PTBP3: variants seen among roughly 807,000 people sequenced by gnomAD.
The protein encoded by PTBP3 is polypyrimidine tract binding protein 3, also known as polypyrimidine tract-binding protein 3.
Under a neutral mutation model 58.7 loss-of-function variants are expected in PTBP3, and 20 were observed. The ratio of observed to expected loss-of-function variants is 0.34; its 90% confidence interval spans 0.24 to 0.50. The LOEUF is 0.50. Among genes scored for constraint, PTBP3 ranks in the 20% least tolerant of loss-of-function variants. The pLI is 0.98. For synonymous variants in PTBP3, 185 were observed against 219.8 expected (o/e 0.84, Z 1.40); for missense variants, 509 against 637.2 (o/e 0.80, Z 2.17).
chr9:112,266,284 C>T (rs1179309755), intron 4 of PTBP3, among the ~76,000 whole-genome samples: 1 of 151,872 alleles, frequency 6.6e-6, no homozygotes, highest in East Asian at 1.9e-4. Context: ...TATTTTACTA[C>T]AATAAAAAAT....
chr9:112,221,802 G>T lies in PTBP3; in HGVS notation c.*2049C>A. On this transcript the variant is annotated 3_prime_UTR_variant, in exon 14 of 14. Transcript: ENST00000374257. ...GTGAATTCTGCTTTTTAAACAATCT[G>T]TATCATCTCTTGCAGTCTCTATTTT... The T allele has an allele frequency of 1.0e-6, 1 of 985,104 alleles. No individual in the cohort carries two copies. The highest frequency in any genetic ancestry group is 1.2e-6 in the Non-Finnish European group (1 of 829,698). 61.0% of individuals were successfully genotyped at this position (985,104 alleles called of 1,614,324 possible).
chr9:112,241,142 C>A (rs1475532370), intron 7 of PTBP3, among the ~76,000 whole-genome samples: 2 of 152,010 alleles, frequency 1.3e-5, no homozygotes, highest in Admixed American at 1.3e-4. Context: ...CTCACTTTGT[C>A]GCCCAGGCTG....
chr9:112,222,896 A>G lies in PTBP3; in HGVS notation c.*955T>C. The G allele has an allele frequency of 1.1e-6, 1 of 880,554 alleles. No homozygotes were observed. The highest frequency in any genetic ancestry group is 5.2e-5 in the South Asian group (1 of 19,052). 54.5% of individuals were successfully genotyped at this position (880,554 alleles called of 1,614,324 possible). A position where few individuals can be genotyped will look rare whatever the true frequency, so the allele number is the denominator to read the frequency against. On this transcript the variant is annotated 3_prime_UTR_variant, in exon 14 of 14. Coordinates refer to ENST00000374257, the MANE Select transcript of PTBP3 (RefSeq NM_001163788.4). ...CTTGAGATTAATTTTTTTCTAAAAG[A>G]AGACCTTACCAAAAATAACTTTTAA...
At chr9:112,368,598 TG>T in the PTBP3 span, among the ~76,000 whole-genome samples, 3 of 152,288 alleles carry the variant, frequency 2.0e-5, no homozygotes, top group Admixed American at 1.3e-4. Context: ...AAAGTTGGAT[TG>T]GTTATTTTCA....
rs548362455 is a variant in PTBP3, at chr9:112,252,457, A to C, written c.627+221T>G. 529 of 515,548 alleles carry C rather than the reference A, an allele frequency of 1.0e-3. 5 individuals carry two copies. The South Asian group carries it at 0.011, about 11-fold the overall frequency. The allele number at this position is 515,548 out of a possible 1,614,324, so 31.9% of individuals were successfully genotyped here. A position where few individuals can be genotyped will look rare whatever the true frequency, so the allele number is the denominator to read the frequency against. On this transcript the variant is annotated intron_variant, in intron 6 of 13. Coordinates refer to ENST00000374257, the MANE Select transcript of PTBP3 (RefSeq NM_001163788.4). ...GACAAACAGGACCTGCGTCTCAGAG[A>C]TGTGAGAGGTGATAGGAGATTTGAG...
At position 112,220,066 on chromosome 9, in the gene PTBP3, A is replaced by C. The variant is rs1201275454; in HGVS notation, c.*3785T>G. 1.7e-6 allele frequency: 2 copies of C among 1,176,992 alleles called. No homozygotes were observed. Among genetic ancestry groups the C allele is most frequent in the Non-Finnish European group, 2.2e-6 (2 of 930,014 alleles). 72.9% of individuals were successfully genotyped at this position (1,176,992 alleles called of 1,614,324 possible). A position where few individuals can be genotyped will look rare whatever the true frequency, so the allele number is the denominator to read the frequency against. ...ACAGATCAAGACAAAGGAAAGGCTA[A>C]GAAAAATGCTTTACGCATCGTCACG... On this transcript the variant is annotated 3_prime_UTR_variant, in exon 14 of 14. Transcript: ENST00000374257.
the PTBP3 span, among the ~76,000 whole-genome samples, chr9:112,341,503 T>A: frequency 6.6e-6 from 1 of 152,118 alleles, no homozygotes; most frequent in East Asian, 1.9e-4. Flanking sequence ...GGTGTGTGTG[T>A]GTGTGTTGTT....
chr9:112,255,300 T>C (rs1469262651), intron 5 of PTBP3, among the ~76,000 whole-genome samples: 1 of 152,182 alleles, frequency 6.6e-6, no homozygotes, highest in Non-Finnish European at 1.5e-5. Context: ...TTGGTGATGG[T>C]TGAAAAACAA....
intron 5 of PTBP3, among the ~76,000 whole-genome samples, chr9:112,259,617 A>C (rs1052093111): frequency 6.6e-6 from 1 of 152,222 alleles, no homozygotes; most frequent in Non-Finnish European, 1.5e-5. Flanking sequence ...AACTTCCTTC[A>C]TCTAAAATAG....
chr9:112,316,254 G>A (rs554464145), intron 1 of PTBP3, among the ~76,000 whole-genome samples: 2 of 152,144 alleles, frequency 1.3e-5, no homozygotes, highest in Non-Finnish European at 2.9e-5. Context: ...CTAGAGACTC[G>A]CTTCTACTGA....
intron 2 of PTBP3, among the ~76,000 whole-genome samples, chr9:112,287,652 CTG>C (rs1358702489): frequency 6.6e-6 from 1 of 152,070 alleles, no homozygotes; most frequent in East Asian, 1.9e-4. Context: ...TCAGTTTTTT[CTG>C]TCTGTGTGCT....
chr9:112,373,162 C>G, the PTBP3 span, among the ~76,000 whole-genome samples: 1 of 152,084 alleles, frequency 6.6e-6, no homozygotes, highest in Admixed American at 6.6e-5. Flanking sequence ...TCCCAAAGTG[C>G]TGGGATTACA....
At chr9:112,337,649 ATAAT>A (rs1442346588), upstream of PTBP3, among the ~76,000 whole-genome samples, 1 of 152,238 alleles carries the variant, frequency 6.6e-6, no homozygotes, top group Admixed American at 6.5e-5. Context: ...ACAGATACAA[ATAAT>A]TTAGTTTATA....
At chr9:112,327,079 G>A (rs957987649) in intron 1 of PTBP3, among the ~76,000 whole-genome samples, 2 of 151,762 alleles carry the variant, frequency 1.3e-5, no homozygotes, top group African/African-American at 4.8e-5. Context: ...CATTAGCTGG[G>A]TGTGGTCCTA....
upstream of PTBP3, among the ~76,000 whole-genome samples, chr9:112,337,411 T>C (rs1329964178): frequency 6.6e-6 from 1 of 152,152 alleles, no homozygotes; most frequent in Non-Finnish European, 1.5e-5. Flanking sequence ...AGAGTTTAGC[T>C]CCTCAAGAAC....
the PTBP3 span, among the ~76,000 whole-genome samples, chr9:112,356,767 CAA>C: frequency 1.4e-5 from 2 of 144,244 alleles, no homozygotes; most frequent in African/African-American, 2.6e-5. Context: ...GGGAAAGACT[CAA>C]GAGGCTTTTG....
intron 1 of PTBP3, among the ~76,000 whole-genome samples, chr9:112,315,512 T>A (rs1320730335): frequency 2.0e-5 from 3 of 151,960 alleles, no homozygotes; most frequent in Non-Finnish European, 4.4e-5. Context: ...AGGAGGAGGA[T>A]CACTTGAGCC....
chr9:112,225,715 T>A (rs559689941), intron 12 of PTBP3, among the ~76,000 whole-genome samples: 1 of 152,258 alleles, frequency 6.6e-6, no homozygotes, highest in South Asian at 2.1e-4. Context: ...ATGTCCTATG[T>A]AGGTTGCAAC....
At chr9:112,233,596 C>T (rs892346927) in intron 8 of PTBP3, among the ~76,000 whole-genome samples, 1 of 151,968 alleles carries the variant, frequency 6.6e-6, no homozygotes, top group Non-Finnish European at 1.5e-5. Flanking sequence ...CCTCAACCTT[C>T]ATATCACTCT....
Sources: gnomAD v4.1 joint callset for allele counts (sites outside exome capture counted in the v4.1 genomes callset) on GRCh38, gnomAD v4.1.1 for gene constraint, MANE v1.5 for transcripts, NCBI Gene and HGNC (gene_info 2026-07-23, HGNC 2026-07-21) for gene names.